DPYD: variants seen among roughly 807,000 people sequenced by gnomAD.
The protein encoded by DPYD is dihydropyrimidine dehydrogenase [NADP(+)].
Under a neutral mutation model 116.2 loss-of-function variants are expected in DPYD, and 109 were observed. The observed-to-expected ratio is 0.94, with a 90% confidence interval of 0.80 to 1.10. DPYD has a LOEUF of 1.10. Ranked by LOEUF, DPYD falls within the 50% of genes least tolerant of loss-of-function variation. The probability of loss-of-function intolerance (pLI) is 0.00; values close to 1 mark genes in which losing one functional copy is unlikely to be tolerated. For missense variants in DPYD, 1,302 were observed against 1,254.5 expected (o/e 1.04, Z -0.57); for synonymous variants, 440 against 432.0 (o/e 1.02, Z -0.23).
chr1:97,429,874 G>A (rs1675076849), intron 14 of DPYD, among the ~76,000 whole-genome samples: 1 of 152,010 alleles, frequency 6.6e-6, no homozygotes, highest in African/African-American at 2.4e-5. Flanking sequence ...TGGAGAAGAG[G>A]GTTGTGGAGA....
intron 21 of DPYD, among the ~76,000 whole-genome samples, chr1:97,083,754 C>T (rs1473342716): frequency 6.6e-6 from 1 of 152,098 alleles, no homozygotes; most frequent in East Asian, 1.9e-4. Flanking sequence ...ACTCACTGAA[C>T]TTATCATCAA....
At chr1:97,773,164 C>T (rs1666229398) in intron 3 of DPYD, among the ~76,000 whole-genome samples, 1 of 152,134 alleles carries the variant, frequency 6.6e-6, no homozygotes, top group Non-Finnish European at 1.5e-5. Flanking sequence ...AATAGGGTAA[C>T]TTATGTATTC....
chr1:97,540,790 C>T (rs1163650109), intron 12 of DPYD, among the ~76,000 whole-genome samples: 1 of 152,104 alleles, frequency 6.6e-6, no homozygotes, highest in Non-Finnish European at 1.5e-5. Flanking sequence ...GTGACTAGCC[C>T]CTATCCTGTA....
At chr1:97,544,754 T>C (rs1650702009) in intron 12 of DPYD, among the ~76,000 whole-genome samples, 1 of 151,538 alleles carries the variant, frequency 6.6e-6, no homozygotes, top group Non-Finnish European at 1.5e-5. Flanking sequence ...TATTTAAGCA[T>C]TGTTTATTCA....
At chr1:97,670,035 T>C (rs1357331388) in intron 8 of DPYD, among the ~76,000 whole-genome samples, 1 of 152,172 alleles carries the variant, frequency 6.6e-6, no homozygotes, top group Non-Finnish European at 1.5e-5. Context: ...CACTGTGTAC[T>C]GTGCACATGA....
At chr1:97,316,026 G>A (rs1444349132) in intron 16 of DPYD, among the ~76,000 whole-genome samples, 1 of 151,936 alleles carries the variant, frequency 6.6e-6, no homozygotes, top group Non-Finnish European at 1.5e-5. Context: ...TGTGATGTGG[G>A]ACTCTGGAAG....
At chr1:97,286,377 T>C (rs1226118094) in intron 18 of DPYD, among the ~76,000 whole-genome samples, 9 of 152,198 alleles carry the variant, frequency 5.9e-5, no homozygotes, top group Non-Finnish European at 1.2e-4. Flanking sequence ...TCAATTTTGG[T>C]GAATCTGACG....
chr1:97,198,657 ATTGT>A (rs1658985963), intron 19 of DPYD, among the ~76,000 whole-genome samples: 1 of 152,136 alleles, frequency 6.6e-6, no homozygotes, highest in Admixed American at 6.6e-5. Context: ...ACATCTCTTA[ATTGT>A]TTGTTTAACA....
chr1:97,595,032 T>C, intron 9 of DPYD, 27 bp downstream of exon 9: 2 of 1,510,012 alleles, frequency 1.3e-6, no homozygotes, highest in Non-Finnish European at 1.8e-6. Context: ...ATACTCACTA[T>C]TAAGCATAAA....
At chr1:97,408,717 T>C (rs1673809259) in intron 14 of DPYD, among the ~76,000 whole-genome samples, 1 of 152,120 alleles carries the variant, frequency 6.6e-6, no homozygotes, top group Non-Finnish European at 1.5e-5. Context: ...AGTGGACTGG[T>C]AGAGGCAGAG....
At chr1:97,147,027 T>C (rs1654682149) in intron 20 of DPYD, among the ~76,000 whole-genome samples, 1 of 152,108 alleles carries the variant, frequency 6.6e-6, no homozygotes, top group African/African-American at 2.4e-5. Context: ...TGAAAGATAA[T>C]TTACATGGAA....
intron 21 of DPYD, among the ~76,000 whole-genome samples, chr1:97,096,770 A>G (rs556842234): frequency 6.6e-6 from 1 of 152,274 alleles, no homozygotes; most frequent in Admixed American, 6.5e-5. Flanking sequence ...CAATAAGGGA[A>G]TAAAAGCTGG....
chr1:97,791,477 C>T (rs1307293925), intron 3 of DPYD, among the ~76,000 whole-genome samples: 1 of 152,156 alleles, frequency 6.6e-6, no homozygotes, highest in African/African-American at 2.4e-5. Flanking sequence ...AATGTAGATT[C>T]ATACTACAGG....
chr1:97,375,275 T>C (rs1671549409), intron 15 of DPYD, among the ~76,000 whole-genome samples: 1 of 151,918 alleles, frequency 6.6e-6, no homozygotes, highest in African/African-American at 2.4e-5. Context: ...AGGGCAACAG[T>C]TGTTTCTTCT....
chr1:97,482,412 G>C (rs754281715), intron 13 of DPYD, among the ~76,000 whole-genome samples: 17 of 152,160 alleles, frequency 1.1e-4, no homozygotes, highest in Non-Finnish European at 2.9e-5. Context: ...AGTATTGACT[G>C]ACATCATTAG....
chr1:97,869,603 C>G (rs1202259351), intron 2 of DPYD, among the ~76,000 whole-genome samples: 2 of 151,704 alleles, frequency 1.3e-5, no homozygotes, highest in Non-Finnish European at 2.9e-5. Flanking sequence ...TCCCTTCTTC[C>G]ATACCAGGAG....
intron 13 of DPYD, among the ~76,000 whole-genome samples, chr1:97,483,816 C>G (rs1678457903): frequency 6.6e-6 from 1 of 151,842 alleles, no homozygotes; most frequent in South Asian, 2.1e-4. Context: ...TATAAGGACA[C>G]AGAAAGAAGG....
intron 5 of DPYD, among the ~76,000 whole-genome samples, chr1:97,712,204 G>A (rs1662328520): frequency 6.6e-6 from 1 of 151,860 alleles, no homozygotes; most frequent in South Asian, 2.1e-4. Flanking sequence ...CATGTGTATT[G>A]GAGTCTTAGA....
At chr1:97,229,576 AT>A (rs1557956336) in intron 19 of DPYD, among the ~76,000 whole-genome samples, 1,303 of 72,500 alleles carry the variant, frequency 0.018, 41 homozygotes, top group African/African-American at 0.045. Flanking sequence ...ATATATATAT[AT>A]ATATATATAT....
Sources: allele counts gnomAD v4.1 joint callset (sites outside exome capture counted in the v4.1 genomes callset), GRCh38; gene constraint gnomAD v4.1.1; transcripts MANE v1.5; gene names NCBI Gene and HGNC (gene_info 2026-07-23, HGNC 2026-07-21).